FCRL4: variants seen among roughly 807,000 people sequenced by gnomAD.
The protein encoded by FCRL4 is Fc receptor like 4.
A neutral mutation model predicts 64.1 loss-of-function variants in FCRL4; 43 were observed. The ratio of observed to expected loss-of-function variants is 0.67; its 90% CI spans 0.53 to 0.87. FCRL4 has a LOEUF of 0.87. Among genes scored for constraint, FCRL4 ranks in the 40% least tolerant of loss-of-function variants. The pLI, the probability that FCRL4 is intolerant of heterozygous loss-of-function variation, is 0.00. For synonymous variants in FCRL4, 253 were observed against 239.8 expected, an observed-to-expected ratio of 1.05 and a Z score of -0.51; for missense variants, 656 against 613.5, an observed-to-expected ratio of 1.07 and a Z score of -0.73.
In FCRL4 at chr1:157,577,094, G is replaced by GA. The variant is rs1158682768; in HGVS notation, c.1430-1365dup. Among the ~76,000 whole-genome samples, 4 of 152,214 alleles carry GA rather than the reference G, an allele frequency of 2.6e-5. No homozygotes were observed. In the East Asian group the frequency reaches 5.8e-4, roughly 22 times the overall value. On this transcript the variant is annotated intron_variant, in intron 10 of 11. Coordinates refer to ENST00000271532, the MANE Select transcript of FCRL4 (RefSeq NM_031282.3). Reference sequence around the variant, plus strand: ...AACCAAAGCAAGGAAGTGTGGGGAGGAAAAAAATAAGAAGATTGGTTGAAG... The same window carrying GA: ...AACCAAAGCAAGGAAGTGTGGGGAGGAAAAAAAATAAGAAGATTGGTTGAAG...
At chr1:157,575,769 T>C (rs758351246) in intron 10 of FCRL4, 39 bp from the exon 11 acceptor site, 5 of 1,604,712 alleles carry the variant, frequency 3.1e-6, no homozygotes, top group Non-Finnish European at 4.3e-6. Context: ...ATGGGCATAA[T>C]GATGCACTTA....
intron 5 of FCRL4, among the ~76,000 whole-genome samples, chr1:157,586,876 A>G (rs1166111518): frequency 2.0e-5 from 3 of 152,204 alleles, no homozygotes; most frequent in Non-Finnish European, 4.4e-5. Flanking sequence ...TGCTGTACAC[A>G]TCATAGGCAC....
chr1:157,576,633 T>G (rs1227257744), intron 10 of FCRL4, among the ~76,000 whole-genome samples: 1 of 152,172 alleles, frequency 6.6e-6, no homozygotes, highest in Admixed American at 6.5e-5. Context: ...GGAAAGAGTA[T>G]GAAGAAAAGC....
intron 6 of FCRL4, among the ~76,000 whole-genome samples, chr1:157,585,344 C>CTTTCTTTCTTTCTTTCTTTCTTTCTT (rs72007539): frequency 3.7e-5 from 3 of 81,276 alleles, no homozygotes; most frequent in Admixed American, 1.3e-4. Context: ...CTTTCTCTCT[C>CTTTCTTTCTTTCTTTCTTTCTTTCTT]TCTTTCTTTC....
At chr1:157,585,346 CTTT>C (rs1558154987) in intron 6 of FCRL4, among the ~76,000 whole-genome samples, 21 of 30,014 alleles carry the variant, frequency 7.0e-4, no homozygotes, top group African/African-American at 1.7e-3. Flanking sequence ...TTCTCTCTCT[CTTT>C]CTTTCTTTCT....
chr1:157,575,599 A>T lies in FCRL4; in HGVS notation c.1473T>A (p.Val491=). ...GTTGTGTCTTTACCTCAGAGTAGAC[A>T]ACTGAGACATCCTGAAATGGAAGAA... is the stretch of plus-strand genomic sequence containing the variant. The part of the protein sequence containing the change: ...RTLLEDKDVS[V]VYSEVKTQHP... The change falls in exon 12 of 12, where the codon GTT becomes GTA. Residue 491 remains valine (V), a synonymous_variant. Coordinates refer to ENST00000271532, the MANE Select transcript of FCRL4 (RefSeq NM_031282.3). 6.2e-7 allele frequency: 1 copy of T among 1,613,552 alleles called. No homozygotes were observed. Among genetic ancestry groups the T allele is most frequent in the Non-Finnish European group, 8.5e-7 (1 of 1,179,472 alleles).
chr1:157,589,250 G>T lies in FCRL4; in HGVS notation c.261C>A (p.Ala87=), dbSNP rs1652778827. The T allele has an allele frequency of 1.2e-6, 2 of 1,614,024 alleles. No homozygotes were observed. Among genetic ancestry groups the T allele is most frequent in the Non-Finnish European group, 8.5e-7 (1 of 1,180,030 alleles). Residue 87 remains alanine (A), a synonymous_variant, in exon 3 of 12, where the codon GCC becomes GCA. Coordinates refer to ENST00000271532, the MANE Select transcript of FCRL4 (RefSeq NM_031282.3). ...VRESGLYRCQ[A]RGSPRSNPVR... is the part of the protein sequence containing the mutation. ...CAGGGTTACTTCGTGGGGAGCCCCG[G>T]GCCTGGCATCTGTACAGTCCAGATT...
intron 6 of FCRL4, among the ~76,000 whole-genome samples, chr1:157,581,988 C>T (rs926560286): frequency 6.0e-4 from 91 of 152,196 alleles, no homozygotes; most frequent in Non-Finnish European, 3.1e-4. Flanking sequence ...CAGCACCTAA[C>T]TTAGGAACAG....
At chr1:157,580,536 C>A in intron 7 of FCRL4, 188 bp from the exon 8 acceptor site, 1 of 609,776 alleles carries the variant, frequency 1.6e-6, no homozygotes, top group Non-Finnish European at 3.0e-6. Context: ...GAGGCCAGGA[C>A]TGCACACTCC....
At chr1:157,582,908 G>T (rs115120186) in intron 6 of FCRL4, among the ~76,000 whole-genome samples, 1 of 152,176 alleles carries the variant, frequency 6.6e-6, no homozygotes, top group Admixed American at 6.5e-5. Context: ...GGCATCCGCC[G>T]GTGCAAAATC....
At chr1:157,580,424 T>C (rs1026894837) in intron 7 of FCRL4, 76 bp from the exon 8 acceptor site, 22 of 1,478,120 alleles carry the variant, frequency 1.5e-5, no homozygotes, top group Non-Finnish European at 2.0e-5. Context: ...ACAGGAGCTA[T>C]CTAAGAGAGG....
chr1:157,590,488 A>G (rs1295149920), intron 2 of FCRL4, among the ~76,000 whole-genome samples: 2 of 150,588 alleles, frequency 1.3e-5, no homozygotes, highest in Non-Finnish European at 3.0e-5. Context: ...TATGTACATA[A>G]TTAAAACCTT....
chr1:157,593,571 C>CTGTATCTAA (rs1274895987), intron 2 of FCRL4, among the ~76,000 whole-genome samples: 32 of 152,150 alleles, frequency 2.1e-4, no homozygotes, highest in Non-Finnish European at 4.4e-5. Flanking sequence ...TATGCATGGG[C>CTGTATCTAA]TGTATCTAAT....
chr1:157,581,532 T>C lies in FCRL4; in HGVS notation c.1248A>G (p.Ser416=). Reference sequence around the variant, plus strand: ...TGTGGCAAAGAAAAGAGCACAAACCTGACTTCCTCCGACGCCAGCAGTGAA... The same window carrying C: ...TGTGGCAAAGAAAAGAGCACAAACCCGACTTCCTCCGACGCCAGCAGTGAA... ...LLFHCWRRRK[S]GVGFLGDETR... is the part of the protein sequence containing the mutation. Residue 416 remains serine, a splice_region_variant and synonymous_variant, in exon 7 of 12, where the codon TCA becomes TCG. Coordinates refer to ENST00000271532, the MANE Select transcript of FCRL4 (RefSeq NM_031282.3). 1 of 1,613,554 alleles carries C rather than the reference T, an allele frequency of 6.2e-7. No individual in the cohort carries two copies. The highest frequency in any genetic ancestry group is 8.5e-7 in the Non-Finnish European group (1 of 1,179,700).
At position 157,580,336 on chromosome 1, in the gene FCRL4, A is replaced by G. The variant is rs757933008; in HGVS notation, c.1262T>C (p.Leu421Ser). ...GAGGTCTCACCTGGTTTCGTCTCCC[A>G]AGAAACCAACTCCTGCAAAATAAAG... Reference protein sequence around the residue: ...WRRRKSGVGFLGDETRLPPAP... With the variant: ...WRRRKSGVGFSGDETRLPPAP... Residue 421 changes from leucine to serine, a missense_variant, in exon 8 of 12, where the codon TTG becomes TCG. Leu to Ser is a moderately radical substitution (Grantham distance 145, BLOSUM62 -2). Transcript: ENST00000271532. The G allele has an allele frequency of 3.7e-6, 6 of 1,614,180 alleles. No individual in the cohort carries two copies. The South Asian group carries it at 6.6e-5, about 18-fold the overall frequency.
In FCRL4 at chr1:157,581,573, C is replaced by A. The variant is rs1652560363; in HGVS notation, c.1207G>T (p.Ala403Ser). 1.2e-6 allele frequency: 2 copies of A among 1,613,954 alleles called. No individual in the cohort carries two copies. Among genetic ancestry groups the A allele is most frequent in the Non-Finnish European group, 1.7e-6 (2 of 1,180,020 alleles). The stretch of plus-strand genomic sequence containing the variant: ...CAGCAGTGAAACAGCAGGGCCACAG[C>A]CAGGAGAAGAGCACTGAGCAGCCCT... ...TGGLLSALLL[A>S]VALLFHCWRR... Residue 403 changes from alanine to serine, a missense_variant, in exon 7 of 12, where the codon GCT becomes TCT. Ala to Ser is a moderately conservative substitution (Grantham distance 99). Transcript: ENST00000271532.
chr1:157,579,468 G>C (rs970336279), intron 8 of FCRL4, among the ~76,000 whole-genome samples: 2 of 152,132 alleles, frequency 1.3e-5, no homozygotes, highest in Non-Finnish European at 2.9e-5. Context: ...TGTAATCCCA[G>C]CACTTTGGGA....
At chr1:157,581,473 A>C in intron 7 of FCRL4, 58 bp downstream of exon 7, 1 of 1,456,408 alleles carries the variant, frequency 6.9e-7, no homozygotes, top group Non-Finnish European at 9.6e-7. Context: ...GGCTGTCTGC[A>C]TGCTGAGTTC....
Position 157,595,171 on chromosome 1 carries a change from A to C in FCRL4, c.52+1157T>G, listed in dbSNP as rs375165847. On this transcript the variant is annotated intron_variant, in intron 2 of 11. Coordinates refer to ENST00000271532, the MANE Select transcript of FCRL4 (RefSeq NM_031282.3). ...CACCTCAGCCTCCCGAAGTGCTGGGATTACAGGCATGAGCCACTGTGCCCA... is the reference window on the plus strand; with the variant it reads ...CACCTCAGCCTCCCGAAGTGCTGGGCTTACAGGCATGAGCCACTGTGCCCA... 6.2e-3 allele frequency among the ~76,000 whole-genome samples: 943 copies of C among 152,332 alleles called. 7 individuals are homozygous for C. Among genetic ancestry groups the C allele is most frequent in the African/African-American group, 0.022 (903 of 41,568 alleles).
Sources: gnomAD v4.1 joint callset for allele counts (sites outside exome capture counted in the v4.1 genomes callset) on GRCh38, gnomAD v4.1.1 for gene constraint, MANE v1.5 for transcripts, NCBI Gene and HGNC (gene_info 2026-07-23, HGNC 2026-07-21) for gene names.